RSRC1: variants seen among roughly 807,000 people sequenced by gnomAD.
RSRC1 encodes the protein serine/Arginine-related protein 53.
A neutral mutation model predicts 49.1 loss-of-function variants in RSRC1; 39 were observed. That is an observed-to-expected ratio of 0.79 (90% CI 0.61 to 1.04). The LOEUF (loss-of-function observed/expected upper bound fraction) is 1.04, where lower values mean the gene tolerates loss of function less well. Among genes scored for constraint, RSRC1 ranks in the 50% least tolerant of loss-of-function variants. The pLI is 0.00. For missense variants in RSRC1, 388 were observed against 402.4 expected, an observed-to-expected ratio of 0.96 and a Z score of 0.31; for synonymous variants, 143 against 130.8, an observed-to-expected ratio of 1.09 and a Z score of -0.63.
In RSRC1 at chr3:158,539,534, G is replaced by T. The variant is rs1712914534; in HGVS notation, c.759+2336G>T. Among the ~76,000 whole-genome samples the T allele has an allele frequency of 2.0e-5, 3 of 152,156 alleles. No individual in the cohort carries two copies. The South Asian group carries it at 6.2e-4, about 32-fold the overall frequency. ...ATACCCACCTGTGTTCAAAAGAAGG[G>T]TAAATACCCCTATGCAGCATGGTCT... On this transcript the variant is annotated intron_variant, in intron 8 of 9. Transcript: ENST00000611884. The surrounding 1 kb of genome is among the most constrained non-coding windows in gnomAD (Gnocchi z 4.1).
At chr3:158,351,904 TTATATAAATATTATATA>T (rs1249915283) in intron 5 of RSRC1, among the ~76,000 whole-genome samples, 3 of 146,804 alleles carry the variant, frequency 2.0e-5, no homozygotes, top group East Asian at 3.9e-4. Flanking sequence ...TAATATATAA[TTATATAAATATTATATA>T]TATATAAATA....
Position 158,355,038 on chromosome 3 carries a change from A to G in RSRC1, c.583+130A>G, listed in dbSNP as rs1375132410. 5 of 564,274 alleles carry G rather than the reference A, an allele frequency of 8.9e-6. No individual in the cohort carries two copies. The East Asian group carries it at 1.7e-4, about 19-fold the overall frequency. The allele number at this position is 564,274 out of a possible 1,614,324, so 35.0% of individuals were successfully genotyped here. A position where few individuals can be genotyped will look rare whatever the true frequency, so the allele number is the denominator to read the frequency against. ...ATCCTCACAAATTTATCAGATCTAG[A>G]TTATATGTATGGCCATATATTATCT... On this transcript the variant is annotated intron_variant, in intron 6 of 9. Transcript: ENST00000611884.
rs192433376 is a variant in RSRC1 at position 158,265,040 on chromosome 3, T to A, written c.495-32999T>A. ...GCCATACACACTCTGTCTTGTGAAC[T>A]CTTAACTGCCTTGGTCTGCCTGGAC... is the stretch of plus-strand genomic sequence containing the variant. On this transcript the variant is annotated intron_variant, in intron 4 of 9. Transcript: ENST00000611884. Among the ~76,000 whole-genome samples, 163 of 152,340 alleles carry A rather than the reference T, an allele frequency of 1.1e-3. 2 individuals are homozygous for A. The highest frequency in any genetic ancestry group is 3.8e-3 in the African/African-American group (156 of 41,590).
chr3:158,220,145 CAG>C (rs1722152290), intron 4 of RSRC1, among the ~76,000 whole-genome samples: 1 of 151,512 alleles, frequency 6.6e-6, no homozygotes, highest in African/African-American at 2.4e-5. Context: ...AAGATTAAAA[CAG>C]ATAATGTATT....
chr3:158,295,629 C>T (rs1727192943), intron 4 of RSRC1, among the ~76,000 whole-genome samples: 1 of 151,960 alleles, frequency 6.6e-6, no homozygotes, highest in East Asian at 1.9e-4. Flanking sequence ...AGCCAGGGCC[C>T]TATGGTTGAT....
chr3:158,506,705 A>C (rs937429895), intron 7 of RSRC1, among the ~76,000 whole-genome samples: 1 of 151,654 alleles, frequency 6.6e-6, no homozygotes, highest in African/African-American at 2.4e-5. Flanking sequence ...ACAAAAGGAA[A>C]CCCACATACA....
chr3:158,350,179 ATT>A (rs544000982), intron 5 of RSRC1, among the ~76,000 whole-genome samples: 26 of 126,560 alleles, frequency 2.1e-4, no homozygotes, highest in African/African-American at 7.4e-4. Context: ...TATATATATA[ATT>A]TTTTTTTTTT....
At chr3:158,518,367 T>C (rs1469892611) in intron 7 of RSRC1, among the ~76,000 whole-genome samples, 1 of 142,442 alleles carries the variant, frequency 7.0e-6, no homozygotes, top group Non-Finnish European at 1.5e-5. Context: ...GTATAGTGTT[T>C]ATAAAAGATT....
intron 6 of RSRC1, among the ~76,000 whole-genome samples, chr3:158,365,612 G>A (rs576497608): frequency 6.6e-6 from 1 of 152,302 alleles, no homozygotes; most frequent in South Asian, 2.1e-4. Flanking sequence ...AAACATACAT[G>A]TGCATGTGTC....
rs1724412993 is a variant in RSRC1, at chr3:158,254,451, A to T, written c.495-43588A>T. Among the ~76,000 whole-genome samples the T allele has an allele frequency of 2.0e-5, 3 of 151,364 alleles. No homozygotes were observed. The South Asian group carries it at 6.3e-4, about 32-fold the overall frequency. On this transcript the variant is annotated intron_variant, in intron 4 of 9. Coordinates refer to ENST00000611884, the MANE Select transcript of RSRC1 (RefSeq NM_001271838.2). Reference sequence around the variant, plus strand: ...CATTGTTTCCTGACTTTTTTTTTTGAGACGGAGTCTCGCTCTGTCGCTCAG... The same window carrying T: ...CATTGTTTCCTGACTTTTTTTTTTGTGACGGAGTCTCGCTCTGTCGCTCAG...
At chr3:158,110,535 C>T (rs1714309592) in intron 1 of RSRC1, 1 of 152,692 alleles carries the variant, frequency 6.5e-6, no homozygotes, top group Non-Finnish European at 1.5e-5. Context: ...GTTCCTGGTT[C>T]TTCATAGCTG....
intron 4 of RSRC1, among the ~76,000 whole-genome samples, chr3:158,272,076 G>A (rs934409374): frequency 6.6e-6 from 1 of 152,082 alleles, no homozygotes; most frequent in Non-Finnish European, 1.5e-5. Context: ...TAAAGGAATA[G>A]AGGAAGTGAA....
At chr3:158,373,834 T>C (rs1732212334) in intron 6 of RSRC1, among the ~76,000 whole-genome samples, 1 of 152,038 alleles carries the variant, frequency 6.6e-6, no homozygotes, top group African/African-American at 2.4e-5. Context: ...CAGTAGACTA[T>C]GTAAATGTGT....
chr3:158,133,473 G>A (rs1014315951), intron 3 of RSRC1, among the ~76,000 whole-genome samples: 2 of 152,118 alleles, frequency 1.3e-5, no homozygotes, highest in African/African-American at 4.8e-5. Flanking sequence ...ATCACAAACT[G>A]AATTTCAGTG....
intron 4 of RSRC1, among the ~76,000 whole-genome samples, chr3:158,293,486 T>A (rs1427749342): frequency 6.6e-6 from 1 of 152,086 alleles, no homozygotes; most frequent in Non-Finnish European, 1.5e-5. Context: ...CATTGCTGGA[T>A]TTTGGTTTTT....
intron 3 of RSRC1, among the ~76,000 whole-genome samples, chr3:158,134,345 T>C (rs1716226170): frequency 6.6e-6 from 1 of 152,200 alleles, no homozygotes; most frequent in South Asian, 2.1e-4. Flanking sequence ...TAAAAATTTT[T>C]TTCTTTTAGA....
chr3:158,231,462 A>G (rs555053234), intron 4 of RSRC1, among the ~76,000 whole-genome samples: 4 of 152,174 alleles, frequency 2.6e-5, no homozygotes, highest in African/African-American at 7.2e-5. Context: ...TTATTTCTAC[A>G]TAAAATGGCT....
intron 5 of RSRC1, among the ~76,000 whole-genome samples, chr3:158,299,278 C>G (rs898563547): frequency 6.6e-6 from 1 of 151,988 alleles, no homozygotes; most frequent in Non-Finnish European, 1.5e-5. Context: ...CAAGGAAGAA[C>G]AGCTATCATA....
intron 7 of RSRC1, among the ~76,000 whole-genome samples, chr3:158,477,748 T>A (rs2108431305): frequency 6.9e-6 from 1 of 145,138 alleles, no homozygotes; most frequent in East Asian, 2.0e-4. Context: ...TGATGACAGG[T>A]CACAAGGAGA....
Sources: allele counts gnomAD v4.1 joint callset (sites outside exome capture counted in the v4.1 genomes callset), GRCh38; gene constraint gnomAD v4.1.1; non-coding constraint Gnocchi (gnomAD v3.1); transcripts MANE v1.5; gene names NCBI Gene and HGNC (gene_info 2026-07-23, HGNC 2026-07-21).